The following RAP1GAP variants were observed in gnomAD, a reference collection of about 807,000 sequenced individuals.
RAP1GAP encodes the protein RAP1 GTPase activating protein, also known as rap1 GTPase-activating protein 1.
RAP1GAP carries 35 observed loss-of-function variants against 87.2 expected under a neutral mutation model. That is an observed-to-expected ratio of 0.40 (90% CI 0.31 to 0.53). The LOEUF is 0.53. Ranked by LOEUF, RAP1GAP falls within the 20% of genes least tolerant of loss-of-function variation. RAP1GAP has a pLI of 0.48. For missense variants in RAP1GAP, 734 were observed against 898.9 expected, an observed-to-expected ratio of 0.82 and a Z score of 2.35; for synonymous variants, 375 against 363.9, an observed-to-expected ratio of 1.03 and a Z score of -0.35.
chr1:21,605,019 AGATGGGTG>A (rs1470592135), intron 18 of RAP1GAP, among the ~76,000 whole-genome samples: 1 of 60,106 alleles, frequency 1.7e-5, no homozygotes, highest in East Asian at 5.6e-4. Flanking sequence ...GTGGATAGCT[AGATGGGTG>A]GATGGGTGGG....
rs550550324 is a variant in RAP1GAP, at chr1:21,601,367, C to T, written c.1652+317G>A. 1.2e-3 allele frequency among the ~76,000 whole-genome samples: 186 copies of T among 152,356 alleles called. 1 individual carries two copies. In the South Asian group the frequency reaches 0.013, roughly 11 times the overall value. On this transcript the variant is annotated intron_variant, in intron 20 of 24. Transcript: ENST00000374765. The stretch of plus-strand genomic sequence containing the variant: ...CTGCCCCCAGTCCCTCTTCATCCCC[C>T]CAACCCTGCTTCGGGTTCCTCCTAT...
chr1:21,617,916 G>A lies in RAP1GAP; in HGVS notation c.105+18C>T, dbSNP rs371110237. On this transcript the variant is annotated intron_variant, in intron 6 of 24. Transcript: ENST00000374765. ...CCTGGGCTTGAGTAAGGGTGGGCGC[G>A]GGGTTCTAGCTGAGTACCTCGTGCA... 4.1e-5 allele frequency: 66 copies of A among 1,614,002 alleles called. No homozygotes were observed. The highest frequency in any genetic ancestry group is 5.3e-5 in the African/African-American group (4 of 74,928).
chr1:21,605,029 A>ATGGG (rs2073327527), intron 18 of RAP1GAP, among the ~76,000 whole-genome samples: 1 of 117,870 alleles, frequency 8.5e-6, no homozygotes, highest in East Asian at 2.8e-4. Context: ...AGATGGGTGG[A>ATGGG]TGGGTGGGTG....
chr1:21,599,261 G>A (rs1421213358), intron 21 of RAP1GAP, among the ~76,000 whole-genome samples: 2 of 152,168 alleles, frequency 1.3e-5, no homozygotes, highest in Admixed American at 1.3e-4. Context: ...AGAGAGGAAG[G>A]GAGTGACCAG....
chr1:21,663,546 G>C (rs1260510917), intron 1 of RAP1GAP, among the ~76,000 whole-genome samples: 3 of 152,220 alleles, frequency 2.0e-5, no homozygotes, highest in Non-Finnish European at 4.4e-5. Flanking sequence ...TTGCAGGCAG[G>C]AAGAAGTTCC....
Position 21,622,351 on chromosome 1 carries a change from C to A in RAP1GAP, c.-18-2301G>T, listed in dbSNP as rs770047963. 3.0e-5 allele frequency: 14 copies of A among 471,382 alleles called. 1 individual carries two copies. The South Asian group carries it at 4.5e-4, about 15-fold the overall frequency. The allele number at this position is 471,382 out of a possible 1,614,324, so 29.2% of individuals were successfully genotyped here. On this transcript the variant is annotated intron_variant, in intron 3 of 24. Transcript: ENST00000374765. The surrounding 1 kb of genome is among the most constrained non-coding windows in gnomAD (Gnocchi z 5.7). Reference sequence around the variant, plus strand: ...CCCGGGTCCTCACCTGCCAGCTGGCCCCCGCGGGCAGCGAGCCCCTCCGCG... The same window carrying A: ...CCCGGGTCCTCACCTGCCAGCTGGCACCCGCGGGCAGCGAGCCCCTCCGCG...
intron 1 of RAP1GAP, among the ~76,000 whole-genome samples, chr1:21,665,539 C>A (rs2097313631): frequency 6.6e-6 from 1 of 152,188 alleles, no homozygotes; most frequent in African/African-American, 2.4e-5. Context: ...GTTTTGCTTC[C>A]TTTCTTGCAG....
Position 21,613,527 on chromosome 1 carries a change from T to A in RAP1GAP, c.474+101A>T. On this transcript the variant is annotated intron_variant, in intron 9 of 24. Coordinates refer to ENST00000374765, the MANE Select transcript of RAP1GAP (RefSeq NM_002885.4). This position sits in a 1 kb window ranked among gnomAD's most constrained non-coding sequence, Gnocchi z 4.7. The stretch of plus-strand genomic sequence containing the variant: ...TCAGGATAGGGCGGCAGGCCAGGGC[T>A]AGGGCCTACAGCTGAAGGGGACGCG... The A allele has an allele frequency of 8.8e-7, 1 of 1,140,062 alleles. No homozygotes were observed. The highest frequency in any genetic ancestry group is 1.3e-6 in the Non-Finnish European group (1 of 755,320). The allele number at this position is 1,140,062 out of a possible 1,614,324, so 70.6% of individuals were successfully genotyped here. A position where few individuals can be genotyped will look rare whatever the true frequency, so the allele number is the denominator to read the frequency against.
At chr1:21,642,956 G>C (rs1053569275) in intron 2 of RAP1GAP, among the ~76,000 whole-genome samples, 1 of 149,696 alleles carries the variant, frequency 6.7e-6, no homozygotes, top group Non-Finnish European at 1.5e-5. Flanking sequence ...ACCTCCTCCA[G>C]GAAGCCCTCC....
intron 2 of RAP1GAP, among the ~76,000 whole-genome samples, chr1:21,628,889 G>GA (rs34293561): frequency 0.19 from 25,752 of 138,200 alleles, 2,718 homozygotes; most frequent in East Asian, 0.38. Flanking sequence ...CTCCACCTCA[G>GA]AAAAAAAAAA....
At chr1:21,656,599 G>T in intron 1 of RAP1GAP, among the ~76,000 whole-genome samples, 1 of 152,192 alleles carries the variant, frequency 6.6e-6, no homozygotes, top group South Asian at 2.1e-4. Context: ...TCTCCTGGGG[G>T]TTCCCCAGCC....
At chr1:21,612,910 A>T (rs1162197001) in intron 10 of RAP1GAP, 3 of 520,636 alleles carry the variant, frequency 5.8e-6, no homozygotes, top group Non-Finnish European at 7.0e-6. Flanking sequence ...CCCAAACATC[A>T]CAGAGGTTCC....
rs1254832622 is a variant in RAP1GAP, at chr1:21,669,198, G to C, written c.-149+56C>G. 8.0e-7 allele frequency: 1 copy of C among 1,245,172 alleles called. No homozygotes were observed. The highest frequency in any genetic ancestry group is 2.7e-5 in the Admixed American group (1 of 37,674). The allele number at this position is 1,245,172 out of a possible 1,614,324, so 77.1% of individuals were successfully genotyped here. A position where few individuals can be genotyped will look rare whatever the true frequency, so the allele number is the denominator to read the frequency against. The stretch of plus-strand genomic sequence containing the variant: ...TTCGCTGCGAGCCGACGGGAGTCTG[G>C]ACACCTCTGTCCCCTTCCCCTTTCC... On this transcript the variant is annotated intron_variant, in intron 1 of 24. Coordinates refer to ENST00000374765, the MANE Select transcript of RAP1GAP (RefSeq NM_002885.4). This position sits in a 1 kb window ranked among gnomAD's most constrained non-coding sequence, Gnocchi z 5.6.
chr1:21,622,503 C>A lies in RAP1GAP; in HGVS notation c.-18-2453G>T. On this transcript the variant is annotated intron_variant, in intron 3 of 24. Transcript: ENST00000374765. The surrounding 1 kb of genome is among the most constrained non-coding windows in gnomAD (Gnocchi z 5.7). Reference sequence around the variant, plus strand: ...CCCGCGCGCGCCCGGGTCCGGGCCCCGCAGCGCTGAGCTCCGCGCTCCCGG... The same window carrying A: ...CCCGCGCGCGCCCGGGTCCGGGCCCAGCAGCGCTGAGCTCCGCGCTCCCGG... 1 of 153,034 alleles carries A rather than the reference C, an allele frequency of 6.5e-6. No individual in the cohort carries two copies. Among genetic ancestry groups the A allele is most frequent in the South Asian group, 2.0e-4 (1 of 4,946 alleles). 9.5% of individuals were successfully genotyped at this position (153,034 alleles called of 1,614,324 possible). A position where few individuals can be genotyped will look rare whatever the true frequency, so the allele number is the denominator to read the frequency against.
At chr1:21,664,055 G>A (rs2097253625) in intron 1 of RAP1GAP, among the ~76,000 whole-genome samples, 2 of 152,220 alleles carry the variant, frequency 1.3e-5, no homozygotes, top group South Asian at 4.1e-4. Flanking sequence ...GCTCAAAGAG[G>A]CCGGGCGGCT....
intron 4 of RAP1GAP, 68 bp from the exon 5 acceptor site, chr1:21,619,140 G>A (rs1184329503): frequency 5.4e-6 from 8 of 1,493,546 alleles, no homozygotes; most frequent in South Asian, 3.6e-5. Context: ...CCCTCCCCAA[G>A]GCGTGCAAGG....
Position 21,608,337 on chromosome 1 carries a change from G to T in RAP1GAP, c.1172C>A (p.Ala391Asp). The change falls in exon 17 of 25, where the codon GCC (alanine) becomes GAC (aspartate). Residue 391 changes from alanine to aspartate, a missense_variant. Transcript: ENST00000374765. The stretch of plus-strand genomic sequence containing the variant: ...CTCATAGAGCGTCTCCAGGAGGGCG[G>T]CCCGCGTCCGCTCCTGTGGGCCAGG... ...KFAKLEERTR[A>D]ALLETLYEEL... 6.2e-7 allele frequency: 1 copy of T among 1,612,874 alleles called. No homozygotes were observed.
intron 1 of RAP1GAP, among the ~76,000 whole-genome samples, chr1:21,660,339 C>CTATTTTTATATATATATATATATATATA (rs563814821): frequency 1.9e-5 from 1 of 52,858 alleles, no homozygotes; most frequent in Non-Finnish European, 4.2e-5. Context: ...TCCAACTCAG[C>CTATTTTTATATATATATATATATATATA]TATATATATT....
intron 1 of RAP1GAP, chr1:21,651,260 T>C (rs973244845): frequency 2.7e-6 from 1 of 371,070 alleles, no homozygotes; most frequent in Non-Finnish European, 5.4e-6. Context: ...GTGCCCAGGG[T>C]GGGCAGGACC....
Sources: allele counts gnomAD v4.1 joint callset (sites outside exome capture counted in the v4.1 genomes callset), GRCh38; gene constraint gnomAD v4.1.1; non-coding constraint Gnocchi (gnomAD v3.1); transcripts MANE v1.5; gene names NCBI Gene and HGNC (gene_info 2026-07-23, HGNC 2026-07-21).